Variants in RHBDD1 observed in about 807,000 individuals in gnomAD.
The protein encoded by RHBDD1 is rhomboid domain containing 1, also known as rhomboid-related protein 4.
Under a neutral mutation model 36.3 loss-of-function variants are expected in RHBDD1, and 38 were observed. The observed-to-expected ratio is 1.05, with a 90% CI of 0.81 to 1.37. The LOEUF (loss-of-function observed/expected upper bound fraction) is 1.37, where lower values mean the gene tolerates loss of function less well. RHBDD1 is among the 40% of genes most tolerant of loss of function. The probability of loss-of-function intolerance (pLI) is 0.00; values close to 1 mark genes in which losing one functional copy is unlikely to be tolerated. For missense variants in RHBDD1, 393 were observed against 377.6 expected, an observed-to-expected ratio of 1.04 and a Z score of -0.34; for synonymous variants, 151 against 136.5, an observed-to-expected ratio of 1.11 and a Z score of -0.74.
the RHBDD1 span, among the ~76,000 whole-genome samples, chr2:226,812,140 T>C: frequency 6.6e-6 from 1 of 152,232 alleles, no homozygotes; most frequent in African/African-American, 2.4e-5. Flanking sequence ...GCAGATAGAT[T>C]CAATTGAGAA....
At chr2:226,925,786 A>G (rs1324523387) in intron 8 of RHBDD1, among the ~76,000 whole-genome samples, 2 of 152,230 alleles carry the variant, frequency 1.3e-5, no homozygotes, top group Non-Finnish European at 2.9e-5. Flanking sequence ...TCTGTGGTCA[A>G]ATAAGCTTGG....
At chr2:226,917,230 T>C (rs1948974747) in intron 8 of RHBDD1, among the ~76,000 whole-genome samples, 1 of 152,046 alleles carries the variant, frequency 6.6e-6, no homozygotes, top group African/African-American at 2.4e-5. Flanking sequence ...AGTCATCTGA[T>C]AGTAGTGTTG....
chr2:226,940,876 A>G (rs1950617953), intron 8 of RHBDD1, among the ~76,000 whole-genome samples: 2 of 152,052 alleles, frequency 1.3e-5, no homozygotes, highest in Non-Finnish European at 2.9e-5. Context: ...TTGGTTCCCT[A>G]GGTTGGTCTG....
At chr2:226,816,375 C>CAAAAAAAAAAAAAAAAAAA in the RHBDD1 span, among the ~76,000 whole-genome samples, 10 of 64,954 alleles carry the variant, frequency 1.5e-4, no homozygotes, top group South Asian at 5.9e-4. Context: ...GGAATGGTGG[C>CAAAAAAAAAAAAAAAAAAA]AAAAAAAAAA....
rs1056719083 is a variant in RHBDD1, at chr2:226,970,975, G to A, written c.857-24456G>A. On this transcript the variant is annotated intron_variant, in intron 8 of 8. Transcript: ENST00000392062. ...ATCTCCTATCTGTCCCACAGATCCC[G>A]TGTATAATATATATCATCATATATG... Among the ~76,000 whole-genome samples the A allele has an allele frequency of 4.6e-5, 7 of 152,286 alleles. No homozygotes were observed. In the East Asian group the frequency reaches 5.8e-4, roughly 13 times the overall value.
chr2:226,869,826 G>A (rs1415017033), intron 5 of RHBDD1, among the ~76,000 whole-genome samples: 2 of 152,120 alleles, frequency 1.3e-5, no homozygotes, highest in African/African-American at 2.4e-5. Flanking sequence ...CGTGTCCTGA[G>A]ACCCTGATAG....
At chr2:226,941,387 G>T (rs997301049) in intron 8 of RHBDD1, among the ~76,000 whole-genome samples, 1 of 152,226 alleles carries the variant, frequency 6.6e-6, no homozygotes, top group African/African-American at 2.4e-5. Context: ...TTTTCCTGCT[G>T]GCAGGGGCAA....
At chr2:226,950,545 T>C (rs1459888181) in intron 8 of RHBDD1, among the ~76,000 whole-genome samples, 9 of 152,202 alleles carry the variant, frequency 5.9e-5, no homozygotes, top group African/African-American at 2.2e-4. Flanking sequence ...TCAGTTCCTT[T>C]AGAGGAAACT....
At chr2:226,810,369 G>A in the RHBDD1 span, among the ~76,000 whole-genome samples, 3 of 151,450 alleles carry the variant, frequency 2.0e-5, no homozygotes, top group African/African-American at 4.8e-5. Context: ...ACAAAATCCC[G>A]TCTCTACTAA....
At chr2:226,965,193 C>T (rs1952528629) in intron 8 of RHBDD1, among the ~76,000 whole-genome samples, 2 of 152,098 alleles carry the variant, frequency 1.3e-5, no homozygotes, top group African/African-American at 4.8e-5. Flanking sequence ...ATGAATGAGC[C>T]ATGTGAAGAC....
chr2:226,866,159 C>T (rs1944312790), intron 4 of RHBDD1, among the ~76,000 whole-genome samples: 1 of 152,132 alleles, frequency 6.6e-6, no homozygotes, highest in Admixed American at 6.5e-5. Flanking sequence ...CAACCTCCGC[C>T]TCCCAGGTTC....
intron 8 of RHBDD1, among the ~76,000 whole-genome samples, chr2:226,993,253 C>A (rs140408350): frequency 5.3e-5 from 8 of 152,356 alleles, no homozygotes; most frequent in African/African-American, 1.9e-4. Flanking sequence ...GTGTTTCCCT[C>A]TGGGAGTCTC....
At chr2:226,813,548 T>C in the RHBDD1 span, among the ~76,000 whole-genome samples, 1 of 152,230 alleles carries the variant, frequency 6.6e-6, no homozygotes, top group Non-Finnish European at 1.5e-5. Flanking sequence ...AGTCATTTCA[T>C]AGAATGGCAA....
At chr2:226,904,794 G>T (rs182308554) in intron 5 of RHBDD1, among the ~76,000 whole-genome samples, 2 of 152,288 alleles carry the variant, frequency 1.3e-5, no homozygotes, top group East Asian at 3.9e-4. Flanking sequence ...CTAGGCTGCT[G>T]CCATAGTAGG....
chr2:226,815,000 T>A, the RHBDD1 span, among the ~76,000 whole-genome samples: 7 of 152,226 alleles, frequency 4.6e-5, no homozygotes, highest in Non-Finnish European at 1.0e-4. Flanking sequence ...GGGTTGCCTA[T>A]GTGACCAGCT....
intron 8 of RHBDD1, among the ~76,000 whole-genome samples, chr2:226,985,115 C>T (rs1269242082): frequency 6.6e-6 from 1 of 152,140 alleles, no homozygotes; most frequent in African/African-American, 2.4e-5. Context: ...TTTATCTCCT[C>T]TGATTTGGAG....
At chr2:226,936,489 A>G (rs766915557) in intron 8 of RHBDD1, among the ~76,000 whole-genome samples, 1 of 152,148 alleles carries the variant, frequency 6.6e-6, no homozygotes, top group Non-Finnish European at 1.5e-5. Flanking sequence ...GAATTAATTT[A>G]TATGTAATCT....
At chr2:226,938,675 C>T (rs1950494447) in intron 8 of RHBDD1, among the ~76,000 whole-genome samples, 1 of 151,876 alleles carries the variant, frequency 6.6e-6, no homozygotes, top group Admixed American at 6.6e-5. Context: ...GGATTCACAG[C>T]TGAATTCTAT....
rs1329258620 is a variant in RHBDD1, at chr2:226,996,744, A to G, written c.*1222A>G. The G allele has an allele frequency of 6.6e-6, 1 of 152,146 alleles. No homozygotes were observed. Among genetic ancestry groups the G allele is most frequent in the Non-Finnish European group, 1.5e-5 (1 of 68,014 alleles). The allele number at this position is 152,146 out of a possible 1,614,324, so 9.4% of individuals were successfully genotyped here. On this transcript the variant is annotated 3_prime_UTR_variant, in exon 9 of 9. Transcript: ENST00000392062. Reference sequence around the variant, plus strand: ...GAGTACATGGGATTTTGCTTTCTTCATTTTTATAATTTTATATTACTGTCT... The same window carrying G: ...GAGTACATGGGATTTTGCTTTCTTCGTTTTTATAATTTTATATTACTGTCT...
Sources: allele counts gnomAD v4.1 joint callset (sites outside exome capture counted in the v4.1 genomes callset), GRCh38; gene constraint gnomAD v4.1.1; transcripts MANE v1.5; gene names NCBI Gene and HGNC (gene_info 2026-07-23, HGNC 2026-07-21).